The following NRG1 variants were observed in gnomAD, a reference collection of about 807,000 sequenced individuals.
NRG1 encodes the protein pro-neuregulin-1, membrane-bound isoform.
NRG1 carries 18 observed loss-of-function variants against 63.8 expected under a neutral mutation model. The observed-to-expected ratio is 0.28, with a 90% CI of 0.19 to 0.42. The LOEUF (loss-of-function observed/expected upper bound fraction) is 0.42. Ranked by LOEUF, NRG1 falls within the 10% of genes least tolerant of loss-of-function variation. The pLI is 1.00. For missense variants in NRG1, 762 were observed against 814.7 expected, an observed-to-expected ratio of 0.94 and a Z score of 0.79; for synonymous variants, 302 against 301.3, an observed-to-expected ratio of 1.00 and a Z score of -0.02.
intron 1 of NRG1, among the ~76,000 whole-genome samples, chr8:32,226,766 T>C (rs1846371284): frequency 6.6e-6 from 1 of 152,120 alleles, no homozygotes; most frequent in Non-Finnish European, 1.5e-5. Context: ...TGCATGCAAT[T>C]TTTTGTCATC....
At chr8:32,659,518 A>G (rs1327953455) in intron 5 of NRG1, among the ~76,000 whole-genome samples, 3 of 152,102 alleles carry the variant, frequency 2.0e-5, no homozygotes, top group Admixed American at 6.5e-5. Flanking sequence ...AGCACTACTA[A>G]ATTAGTCAGT....
chr8:32,297,009 G>A (rs373895939), intron 1 of NRG1, among the ~76,000 whole-genome samples: 4 of 152,104 alleles, frequency 2.6e-5, no homozygotes, highest in Admixed American at 6.5e-5. Flanking sequence ...CAACTACTCC[G>A]GAAGCTGAGG....
chr8:32,118,110 A>G (rs1228394148), intron 1 of NRG1, among the ~76,000 whole-genome samples: 1 of 152,074 alleles, frequency 6.6e-6, no homozygotes, highest in Non-Finnish European at 1.5e-5. Flanking sequence ...GCCTTATGAA[A>G]TATTGATAGT....
At chr8:32,631,473 C>T (rs1409048945) in intron 5 of NRG1, among the ~76,000 whole-genome samples, 2 of 152,248 alleles carry the variant, frequency 1.3e-5, no homozygotes, top group South Asian at 2.1e-4. Flanking sequence ...GCGACACAGC[C>T]GAACTTTCTA....
At chr8:32,077,364 C>A (rs1183665364) in intron 1 of NRG1, among the ~76,000 whole-genome samples, 2 of 152,002 alleles carry the variant, frequency 1.3e-5, no homozygotes, top group Non-Finnish European at 2.9e-5. Context: ...AAAACTTCAT[C>A]CCCTCCCCCC....
chr8:32,356,622 TG>T (rs1806471444), intron 1 of NRG1, among the ~76,000 whole-genome samples: 1 of 152,106 alleles, frequency 6.6e-6, no homozygotes, highest in Admixed American at 6.6e-5. Context: ...TACGTGCAAA[TG>T]GGAAGATAAA....
At chr8:32,545,918 A>AT (rs1833020404), upstream of NRG1, among the ~76,000 whole-genome samples, 1 of 152,100 alleles carries the variant, frequency 6.6e-6, no homozygotes, top group Admixed American at 6.5e-5. Context: ...TATCATTGCA[A>AT]TTTTTGTCCT....
At position 32,348,672 on chromosome 8, in the gene NRG1, G is replaced by A. The variant is rs1318363617; in HGVS notation, c.38-247156G>A. 5.3e-5 allele frequency among the ~76,000 whole-genome samples: 8 copies of A among 152,116 alleles called. No individual in the cohort carries two copies. In the South Asian group the frequency reaches 8.3e-4, roughly 16 times the overall value. On this transcript the variant is annotated intron_variant, in intron 1 of 10. Coordinates refer to the NRG1 transcript ENST00000519301. ...CAGTATGGTTTTCTGTTATAACGTAGTATAGGTATAGATTTTAGCCACATA... is the reference window on the plus strand; with the variant it reads ...CAGTATGGTTTTCTGTTATAACGTAATATAGGTATAGATTTTAGCCACATA...
intron 1 of NRG1, among the ~76,000 whole-genome samples, chr8:31,810,434 C>T (rs186413384): frequency 6.6e-6 from 1 of 152,292 alleles, no homozygotes; most frequent in Admixed American, 6.5e-5. Context: ...GCTTACTTCT[C>T]TGACTTTCTG....
At chr8:32,428,285 G>A (rs1161288353) in intron 1 of NRG1, among the ~76,000 whole-genome samples, 2 of 151,764 alleles carry the variant, frequency 1.3e-5, no homozygotes, top group Non-Finnish European at 2.9e-5. Flanking sequence ...TGGGTGAAAT[G>A]TAATAAAATT....
intron 1 of NRG1, among the ~76,000 whole-genome samples, chr8:32,522,808 CTTT>C (rs56103865): frequency 7.2e-5 from 10 of 139,406 alleles, no homozygotes; most frequent in East Asian, 2.1e-4. Context: ...CCCAATTTGC[CTTT>C]TTTTTTTTTT....
At chr8:32,355,319 C>T (rs796339223) in intron 1 of NRG1, among the ~76,000 whole-genome samples, 14 of 151,944 alleles carry the variant, frequency 9.2e-5, no homozygotes, top group African/African-American at 3.4e-4. Context: ...ATTAGCCGGG[C>T]GTGGTGGTGT....
chr8:32,128,057 A>G (rs934581109), intron 1 of NRG1, among the ~76,000 whole-genome samples: 1 of 151,954 alleles, frequency 6.6e-6, no homozygotes, highest in Non-Finnish European at 1.5e-5. Context: ...TAAGATTATT[A>G]TTATTCTCCA....
In NRG1 at chr8:32,072,340, C is replaced by A. The variant is rs548886943; in HGVS notation, c.37+432909C>A. ...CTTAGTCATTCTGTTCCCTTTTGGG[C>A]CTCTATCTTTCATTTCCTCTGGGGA... On this transcript the variant is annotated intron_variant, in intron 1 of 10. Coordinates refer to the NRG1 transcript ENST00000519301. Among the ~76,000 whole-genome samples the A allele has an allele frequency of 2.7e-5, 4 of 150,800 alleles. No individual in the cohort carries two copies. The South Asian group carries it at 8.4e-4, about 32-fold the overall frequency.
intron 1 of NRG1, among the ~76,000 whole-genome samples, chr8:31,745,693 A>T (rs1223860087): frequency 6.6e-6 from 1 of 151,884 alleles, no homozygotes; most frequent in Non-Finnish European, 1.5e-5. Flanking sequence ...GTATACATTG[A>T]GACTCTGTGA....
At chr8:31,933,562 G>T (rs374686711) in intron 1 of NRG1, among the ~76,000 whole-genome samples, 1 of 152,152 alleles carries the variant, frequency 6.6e-6, no homozygotes, top group Non-Finnish European at 1.5e-5. Context: ...GATTACAGGC[G>T]TGAGCCACTG....
chr8:32,543,534 C>T (rs1832775619), upstream of NRG1, among the ~76,000 whole-genome samples: 1 of 151,722 alleles, frequency 6.6e-6, no homozygotes, highest in South Asian at 2.1e-4. Flanking sequence ...TGACGTTGGC[C>T]CTGTTTATCA....
At chr8:32,452,908 T>C (rs1321103947) in intron 1 of NRG1, among the ~76,000 whole-genome samples, 2 of 152,170 alleles carry the variant, frequency 1.3e-5, no homozygotes, top group Non-Finnish European at 2.9e-5. Context: ...TAGACATCAT[T>C]CCCATAGCAA....
At chr8:32,062,229 A>G (rs886403896) in intron 1 of NRG1, among the ~76,000 whole-genome samples, 1 of 152,070 alleles carries the variant, frequency 6.6e-6, no homozygotes, top group Non-Finnish European at 1.5e-5. Context: ...CTGTCACCCC[A>G]ACCTTTCTTC....
Sources: gnomAD v4.1 joint callset for allele counts (sites outside exome capture counted in the v4.1 genomes callset) on GRCh38, gnomAD v4.1.1 for gene constraint, MANE v1.5 for transcripts, NCBI Gene and HGNC (gene_info 2026-07-23, HGNC 2026-07-21) for gene names.